The following PEMT variants were observed in gnomAD, a reference collection of about 807,000 sequenced individuals.
PEMT encodes the protein phosphatidylethanolamine N-methyltransferase.
In PEMT, 23 loss-of-function variants were observed where a neutral mutation model predicts 27.4. That is an observed-to-expected ratio of 0.84 (90% CI 0.60 to 1.19). PEMT has a LOEUF of 1.19. Ranked by LOEUF, PEMT falls within the 50% of genes most tolerant of loss-of-function variation. The pLI is 0.00. For missense variants in PEMT, 307 were observed against 310.1 expected (o/e 0.99, Z 0.07); for synonymous variants, 137 against 139.1 (o/e 0.98, Z 0.11).
At chr17:17,534,428 C>T (rs1908311433) in intron 2 of PEMT, among the ~76,000 whole-genome samples, 1 of 152,218 alleles carries the variant, frequency 6.6e-6, no homozygotes, top group Admixed American at 6.5e-5. Context: ...CAGCAGCAGC[C>T]TGGGTTAGAA....
rs535955694 is a variant in PEMT, at chr17:17,570,815, C to T, written c.204+6105G>A. On this transcript the variant is annotated intron_variant, in intron 2 of 6. Transcript: ENST00000255389. ...CAAGCAGCTGCTGCTGGTGATCTGG[C>T]GGGGGTGATGGCACGAAGCCAGGTA... 36 of 985,328 alleles carry T rather than the reference C, an allele frequency of 3.7e-5. No individual in the cohort carries two copies. In the East Asian group the frequency reaches 2.3e-3, roughly 62 times the overall value. The allele number at this position is 985,328 out of a possible 1,614,324, so 61.0% of individuals were successfully genotyped here.
In PEMT at chr17:17,523,084, T is replaced by C. The variant is rs1264728510; in HGVS notation, c.205-689A>G. Among the ~76,000 whole-genome samples the C allele has an allele frequency of 6.6e-6, 1 of 152,198 alleles. No homozygotes were observed. The highest frequency in any genetic ancestry group is 1.5e-5 in the Non-Finnish European group (1 of 68,030). On this transcript the variant is annotated intron_variant, in intron 2 of 6. Transcript: ENST00000255389. This position sits in a 1 kb window ranked among gnomAD's most constrained non-coding sequence, Gnocchi z 4.8. ...GGGAGCTCTTCCTGCCTGCCTGCTG[T>C]TTCCACAGTCCTGAGCTGGTTATCG... is the stretch of plus-strand genomic sequence containing the variant.
At chr17:17,541,646 T>C (rs1413583100) in intron 2 of PEMT, among the ~76,000 whole-genome samples, 17 of 152,272 alleles carry the variant, frequency 1.1e-4, no homozygotes, top group Admixed American at 2.0e-4. Context: ...CACAGGTTTG[T>C]TGAGGCTTCT....
At chr17:17,535,752 T>C (rs1273421577) in intron 2 of PEMT, among the ~76,000 whole-genome samples, 2 of 151,942 alleles carry the variant, frequency 1.3e-5, no homozygotes, top group Non-Finnish European at 2.9e-5. Flanking sequence ...GAATGACATA[T>C]TGTGAGAGAA....
In PEMT at chr17:17,576,995, G is replaced by GCCCA. The variant is rs1417465396; in HGVS notation, c.125_128dup (p.Tyr44GlyfsTer115). On this transcript the variant is annotated frameshift_variant, in exon 2 of 7. Coordinates refer to ENST00000255389, the MANE Select transcript of PEMT (RefSeq NM_148172.3). LOFTEE classifies it high-confidence loss of function. ...AGCTGGGATCCAGGGGGTCCACGTAGCCCAGCAGCCGGGTCATAACGCAGA... is the reference window on the plus strand; with the variant it reads ...AGCTGGGATCCAGGGGGTCCACGTAGCCCACCCAGCAGCCGGGTCATAACGCAGA... 6.2e-7 allele frequency: 1 copy of GCCCA among 1,613,900 alleles called. No homozygotes were observed. Among genetic ancestry groups the GCCCA allele is most frequent in the African/African-American group, 1.3e-5 (1 of 74,918 alleles).
At chr17:17,577,949 G>A (rs1266429480) in intron 1 of PEMT, among the ~76,000 whole-genome samples, 1 of 150,558 alleles carries the variant, frequency 6.6e-6, no homozygotes, top group East Asian at 2.0e-4. Context: ...CCTGGGAGGC[G>A]GAGCTTGCAG....
chr17:17,535,443 G>A (rs1177566659), intron 2 of PEMT, among the ~76,000 whole-genome samples: 1 of 151,936 alleles, frequency 6.6e-6, no homozygotes, highest in Admixed American at 6.6e-5. Context: ...GCATGTGCCT[G>A]TAATCCTAGC....
intron 2 of PEMT, among the ~76,000 whole-genome samples, chr17:17,556,102 G>A (rs1029634753): frequency 1.3e-5 from 2 of 152,250 alleles, no homozygotes; most frequent in African/African-American, 4.8e-5. Flanking sequence ...GAAGTGGCTG[G>A]ATGGACGCCA....
chr17:17,533,462 A>G (rs1908246157), intron 2 of PEMT, among the ~76,000 whole-genome samples: 1 of 152,260 alleles, frequency 6.6e-6, no homozygotes. Context: ...AGCACAAGCA[A>G]TGAAAGAAAA....
chr17:17,508,859 G>A (rs759608591), intron 5 of PEMT: 3 of 410,262 alleles, frequency 7.3e-6, no homozygotes, highest in South Asian at 5.5e-5. Flanking sequence ...GGGGCACAGG[G>A]AGTTCTGTCA....
chr17:17,521,727 C>G (rs149823415), intron 3 of PEMT, among the ~76,000 whole-genome samples: 6 of 152,066 alleles, frequency 3.9e-5, no homozygotes, highest in African/African-American at 1.4e-4. Flanking sequence ...CCACCATGCC[C>G]GGCTAATTTT....
At chr17:17,591,894 A>G (rs1912609004), upstream of PEMT, 3 of 985,362 alleles carry the variant, frequency 3.0e-6, no homozygotes, top group Non-Finnish European at 2.4e-6. Flanking sequence ...GCTACGTAGC[A>G]GTATCCCCTT....
At chr17:17,589,378 G>A (rs1463916759) in intron 1 of PEMT, among the ~76,000 whole-genome samples, 1 of 151,996 alleles carries the variant, frequency 6.6e-6, no homozygotes, top group African/African-American at 2.4e-5. Flanking sequence ...GCACTGTTTG[G>A]TATGACATGG....
At chr17:17,524,117 A>G (rs1278734657) in intron 2 of PEMT, among the ~76,000 whole-genome samples, 1 of 152,196 alleles carries the variant, frequency 6.6e-6, no homozygotes, top group Non-Finnish European at 1.5e-5. Context: ...ACGGCTGAAT[A>G]CGACTCCAGT....
intron 3 of PEMT, among the ~76,000 whole-genome samples, chr17:17,515,518 T>C (rs1906761763): frequency 6.6e-6 from 1 of 152,162 alleles, no homozygotes; most frequent in Non-Finnish European, 1.5e-5. Context: ...CAATGCTCTG[T>C]GGGTCATTTG....
At chr17:17,591,386 T>TCCCCC in intron 1 of PEMT, 145 bp downstream of exon 1, 1 of 685,284 alleles carries the variant, frequency 1.5e-6, no homozygotes, top group Non-Finnish European at 2.4e-6. Context: ...CGCACGCGGC[T>TCCCCC]CCCCCACCCC....
At chr17:17,515,689 GGA>G (rs1906773278) in intron 3 of PEMT, among the ~76,000 whole-genome samples, 1 of 152,182 alleles carries the variant, frequency 6.6e-6, no homozygotes, top group Admixed American at 6.5e-5. Context: ...CATTAAGCCA[GGA>G]AAGCACAGTC....
intron 5 of PEMT, chr17:17,508,666 A>T: frequency 2.6e-6 from 1 of 380,398 alleles, no homozygotes; most frequent in Non-Finnish European, 5.3e-6. Context: ...GCTGGGTATG[A>T]AGCCGAGGGC....
At chr17:17,507,863 C>T (rs1906011086) in intron 5 of PEMT, 1 of 152,800 alleles carries the variant, frequency 6.5e-6, no homozygotes, top group Non-Finnish European at 1.5e-5. Context: ...GATGCCATCT[C>T]TCAGCACGCT....
Sources: gnomAD v4.1 joint callset for allele counts (sites outside exome capture counted in the v4.1 genomes callset) on GRCh38, gnomAD v4.1.1 for gene constraint, Gnocchi (gnomAD v3.1) non-coding constraint, MANE v1.5 for transcripts, NCBI Gene and HGNC (gene_info 2026-07-23, HGNC 2026-07-21) for gene names.